MZT2A: variants seen among roughly 807,000 people sequenced by gnomAD.
MZT2A encodes the protein mitotic spindle organizing protein 2A.
MZT2A carries 8 observed loss-of-function variants against 12.4 expected under a neutral mutation model. The observed-to-expected ratio is 0.64, with a 90% confidence interval of 0.38 to 1.16. MZT2A has a LOEUF of 1.16. MZT2A is among the 50% of genes most tolerant of loss of function. MZT2A has a pLI of 0.01. For missense variants in MZT2A, 181 were observed against 223.6 expected (o/e 0.81, Z 1.22); for synonymous variants, 88 against 107.5 (o/e 0.82, Z 1.12).
intron 3 of MZT2A, among the ~76,000 whole-genome samples, chr2:131,471,795 G>T (rs919417031): frequency 6.6e-6 from 1 of 152,012 alleles, no homozygotes; most frequent in Non-Finnish European, 1.5e-5. Flanking sequence ...ACTGGAGATG[G>T]CAGATGATGA....
intron 4 of MZT2A, chr2:131,469,963 C>T: frequency 4.1e-6 from 1 of 246,564 alleles, no homozygotes; most frequent in Non-Finnish European, 7.8e-6. Context: ...AATACCATGC[C>T]TGGTTAATTT....
intron 3 of MZT2A, chr2:131,472,060 C>T: frequency 7.8e-7 from 1 of 1,289,632 alleles, no homozygotes; most frequent in Non-Finnish European, 1.0e-6. Flanking sequence ...CAGAACCGAA[C>T]TGCCTACCTT....
At chr2:131,485,949 C>A (rs1395907447) in intron 2 of MZT2A, among the ~76,000 whole-genome samples, 2 of 151,806 alleles carry the variant, frequency 1.3e-5, no homozygotes, top group Non-Finnish European at 2.9e-5. Context: ...CCATACCCTG[C>A]AGGGATAGGA....
upstream of MZT2A, chr2:131,492,546 G>A: frequency 2.6e-6 from 3 of 1,137,332 alleles, no homozygotes; most frequent in Non-Finnish European, 3.2e-6. Flanking sequence ...CCAACAGTTA[G>A]TGGGCGCTCA....
At chr2:131,473,810 T>C (rs1447424690) in intron 2 of MZT2A, among the ~76,000 whole-genome samples, 1 of 147,224 alleles carries the variant, frequency 6.8e-6, no homozygotes, top group Non-Finnish European at 1.5e-5. Flanking sequence ...GTCCCGACTC[T>C]GCTCTTCCCG....
chr2:131,476,127 G>A lies in MZT2A; in HGVS notation c.279-3945C>T, dbSNP rs375662778. On this transcript the variant is annotated intron_variant and NMD_transcript_variant, in intron 2 of 4. Transcript: ENST00000427024. ...CGGCGCGCACAGGCAGGAGGTTGCA[G>A]TTGGGCGCTCAGCAGCTGTGGCAGC... 6.6e-5 allele frequency: 107 copies of A among 1,611,804 alleles called. 1 individual carries two copies. In the African/African-American group the frequency reaches 1.2e-3, roughly 19 times the overall value.
upstream of MZT2A, chr2:131,492,624 G>A: frequency 1.6e-6 from 2 of 1,213,728 alleles, no homozygotes; most frequent in East Asian, 6.1e-5. Flanking sequence ...GCTGCTTGGC[G>A]GTCAGGGCGT....
chr2:131,472,379 A>G (rs1368329935), intron 2 of MZT2A, among the ~76,000 whole-genome samples: 2 of 152,304 alleles, frequency 1.3e-5, no homozygotes, highest in Non-Finnish European at 2.9e-5. Flanking sequence ...CAATTATGGA[A>G]TCATAGCTTA....
chr2:131,483,613 G>C (rs1386108660), downstream of MZT2A, among the ~76,000 whole-genome samples: 3 of 152,146 alleles, frequency 2.0e-5, no homozygotes, highest in Admixed American at 6.5e-5. Context: ...TACTTGGGAG[G>C]CTGAGGCAGG....
intron 2 of MZT2A, chr2:131,490,661 C>T: frequency 1.9e-6 from 3 of 1,549,230 alleles, no homozygotes; most frequent in Non-Finnish European, 2.6e-6. Flanking sequence ...ATGCAGTTTC[C>T]ATGAAAACAA....
At chr2:131,488,093 C>T (rs557845436) in intron 2 of MZT2A, among the ~76,000 whole-genome samples, 1 of 152,136 alleles carries the variant, frequency 6.6e-6, no homozygotes, top group South Asian at 2.1e-4. Flanking sequence ...GCATACCACA[C>T]GCAGTGCAAT....
At chr2:131,482,780 G>C, downstream of MZT2A, 2 of 1,614,226 alleles carry the variant, frequency 1.2e-6, no homozygotes, top group Non-Finnish European at 8.5e-7. Context: ...GGCAGCTCTA[G>C]AGAAGGATTA....
chr2:131,486,091 C>T (rs1679040658), intron 2 of MZT2A, among the ~76,000 whole-genome samples: 2 of 150,400 alleles, frequency 1.3e-5, no homozygotes, highest in Admixed American at 6.6e-5. Flanking sequence ...CTTGGCTGAA[C>T]AAAGATGGAG....
chr2:131,490,518 G>C, intron 2 of MZT2A: 2 of 1,441,834 alleles, frequency 1.4e-6, no homozygotes, highest in Non-Finnish European at 1.8e-6. Flanking sequence ...CCCGACTGTG[G>C]GGTCTAGAGA....
chr2:131,488,438 G>A (rs1679142335), intron 2 of MZT2A, among the ~76,000 whole-genome samples: 1 of 152,160 alleles, frequency 6.6e-6, no homozygotes, highest in South Asian at 2.1e-4. Context: ...GGTGCCTGCT[G>A]CAGCTCACAG....
downstream of MZT2A, chr2:131,480,500 G>A (rs1314945368): frequency 6.3e-7 from 1 of 1,590,816 alleles, no homozygotes; most frequent in Non-Finnish European, 8.5e-7. Flanking sequence ...ACTTCCCCCT[G>A]GCCACCTATG....
chr2:131,472,964 G>A (rs1349112959), intron 2 of MZT2A, among the ~76,000 whole-genome samples: 1 of 151,592 alleles, frequency 6.6e-6, no homozygotes, highest in Non-Finnish European at 1.5e-5. Context: ...TGTGACTGTA[G>A]TTGGGGACAG....
upstream of MZT2A, chr2:131,492,852 C>G (rs1474679330): frequency 7.4e-6 from 11 of 1,483,188 alleles, no homozygotes; most frequent in African/African-American, 1.4e-5. Context: ...GGAGAAAGTG[C>G]GTGAGCCCTA....
chr2:131,487,285 G>C (rs1406065265), intron 2 of MZT2A, among the ~76,000 whole-genome samples: 1 of 152,096 alleles, frequency 6.6e-6, no homozygotes, highest in Non-Finnish European at 1.5e-5. Context: ...CTAGAGACCA[G>C]CTGGGACAAC....
Sources: allele counts gnomAD v4.1 joint callset (sites outside exome capture counted in the v4.1 genomes callset), GRCh38; gene constraint gnomAD v4.1.1; transcripts MANE v1.5; gene names NCBI Gene and HGNC (gene_info 2026-07-23, HGNC 2026-07-21).